Variants in TTC7A observed in about 807,000 individuals in gnomAD.
The protein encoded by TTC7A is tetratricopeptide repeat domain 7A, also known as tetratricopeptide repeat protein 7A.
TTC7A carries 110 observed loss-of-function variants against 103.7 expected under a neutral mutation model. The ratio of observed to expected loss-of-function variants is 1.06; its 90% CI spans 0.91 to 1.24. TTC7A has a LOEUF of 1.24. Among genes scored for constraint, TTC7A ranks in the 50% most tolerant of loss-of-function variants. The pLI is 0.00. For synonymous variants in TTC7A, 521 were observed against 467.9 expected, an observed-to-expected ratio of 1.11 and a Z score of -1.47; for missense variants, 1,340 against 1,116.3, an observed-to-expected ratio of 1.20 and a Z score of -2.86.
In TTC7A at chr2:46,941,239, G is replaced by C. The variant is rs1366574956; in HGVS notation, c.-303G>C. ...GGCGGAGGCTGTGGCAGCAGCTGCA[G>C]CGGCGGCGGCGGCGGCAGCGCCAGG... On this transcript the variant is annotated 5_prime_UTR_variant, in exon 1 of 20. Transcript: ENST00000319190. This position sits in a 1 kb window ranked among gnomAD's most constrained non-coding sequence, Gnocchi z 4.2. The C allele has an allele frequency of 6.7e-6, 1 of 148,842 alleles. No homozygotes were observed. Among genetic ancestry groups the C allele is most frequent in the African/African-American group, 2.5e-5 (1 of 40,730 alleles). 9.2% of individuals were successfully genotyped at this position (148,842 alleles called of 1,614,324 possible). A position where few individuals can be genotyped will look rare whatever the true frequency, so the allele number is the denominator to read the frequency against.
intron 19 of TTC7A, among the ~76,000 whole-genome samples, chr2:47,063,694 T>C (rs776138329): frequency 6.6e-6 from 1 of 152,214 alleles, no homozygotes; most frequent in Non-Finnish European, 1.5e-5. Context: ...ACTGTGACTT[T>C]ATGAGGACGT....
chr2:46,967,867 C>A (rs1473928659), intron 3 of TTC7A, among the ~76,000 whole-genome samples: 1 of 151,976 alleles, frequency 6.6e-6, no homozygotes, highest in African/African-American at 2.4e-5. Context: ...TCCTACCTGG[C>A]CTTTCGGTTT....
intron 15 of TTC7A, 151 bp downstream of exon 15, chr2:47,029,535 G>A (rs2104593285): frequency 1.1e-6 from 1 of 892,190 alleles, no homozygotes; most frequent in East Asian, 2.6e-5. Flanking sequence ...ACAGGGGTGA[G>A]GACAGGTGGG....
chr2:47,064,862 T>C (rs976584696), intron 19 of TTC7A, among the ~76,000 whole-genome samples: 4 of 152,224 alleles, frequency 2.6e-5, no homozygotes, highest in Non-Finnish European at 4.4e-5. Flanking sequence ...ATTTTCCCTC[T>C]ACCTTTCTGA....
rs1685090089 is a variant in TTC7A at position 47,074,801 on chromosome 2, AGAGACCTGAG to A, written c.*882_*891del. The A allele has an allele frequency of 6.6e-6, 1 of 152,316 alleles. No homozygotes were observed. The highest frequency in any genetic ancestry group is 2.4e-5 in the African/African-American group (1 of 41,362). 9.4% of individuals were successfully genotyped at this position (152,316 alleles called of 1,614,324 possible). A position where few individuals can be genotyped will look rare whatever the true frequency, so the allele number is the denominator to read the frequency against. ...GGCCTTTTGGCTTCCCCTGCCTGAG[AGAGACCTGAG>A]GAGGGGACAGAGCCCAGCCCCTCTC... On this transcript the variant is annotated 3_prime_UTR_variant, in exon 20 of 20. Coordinates refer to ENST00000319190, the MANE Select transcript of TTC7A (RefSeq NM_020458.4).
At chr2:46,961,529 A>C (rs1490028660) in intron 3 of TTC7A, among the ~76,000 whole-genome samples, 2 of 151,824 alleles carry the variant, frequency 1.3e-5, no homozygotes, top group African/African-American at 2.4e-5. Context: ...GTGAGCCGAG[A>C]TCGCACCACT....
upstream of TTC7A, among the ~76,000 whole-genome samples, chr2:46,938,370 G>A (rs942908495): frequency 5.7e-4 from 86 of 152,016 alleles, 1 homozygote; most frequent in Non-Finnish European, 2.9e-4. Context: ...AAACTTCTTG[G>A]GTCATACGCC....
Position 46,941,819 on chromosome 2 carries a change from C to A in TTC7A, c.184+94C>A, listed in dbSNP as rs925819901. 2.7e-6 allele frequency: 4 copies of A among 1,476,630 alleles called. No homozygotes were observed. Among genetic ancestry groups the A allele is most frequent in the East Asian group, 2.5e-5 (1 of 40,168 alleles). The allele number at this position is 1,476,630 out of a possible 1,614,324, so 91.5% of individuals were successfully genotyped here. ...CGCCCAGACAGTCCTCGGCCGACAG[C>A]GGGCGCCTGCCAGCCCACCGTGCTA... On this transcript the variant is annotated intron_variant, in intron 1 of 19. Transcript: ENST00000319190. The surrounding 1 kb of genome is among the most constrained non-coding windows in gnomAD (Gnocchi z 4.2).
chr2:46,919,579 A>G (rs901754973), intron 2 of TTC7A, among the ~76,000 whole-genome samples: 1 of 152,222 alleles, frequency 6.6e-6, no homozygotes, highest in Non-Finnish European at 1.5e-5. Flanking sequence ...TGATTACTAT[A>G]CATGAAATTG....
chr2:47,073,713 GAGT>G lies in TTC7A; in HGVS notation c.2368_2370del (p.Ser790del), dbSNP rs774188741. On this transcript the variant is annotated inframe_deletion, in exon 20 of 20. Coordinates refer to ENST00000319190, the MANE Select transcript of TTC7A (RefSeq NM_020458.4). Reference sequence around the variant, plus strand: ...TGCTTCGTCCACAGGGTCTGATGCTGAGTCGGCTGGGCCACAAGAGCTTGGCCC... The same window carrying G: ...TGCTTCGTCCACAGGGTCTGATGCTGCGGCTGGGCCACAAGAGCTTGGCCC... 2.5e-6 allele frequency: 4 copies of G among 1,613,704 alleles called. No homozygotes were observed. The African/African-American group carries it at 5.3e-5, about 22-fold the overall frequency.
At chr2:47,070,438 GC>G (rs1351369407) in intron 19 of TTC7A, among the ~76,000 whole-genome samples, 1 of 152,238 alleles carries the variant, frequency 6.6e-6, no homozygotes, top group Non-Finnish European at 1.5e-5. Flanking sequence ...CCCTGGCTCT[GC>G]ATTTGGGCTA....
chr2:46,990,907 G>T (rs955724834), intron 5 of TTC7A, among the ~76,000 whole-genome samples: 7 of 152,146 alleles, frequency 4.6e-5, no homozygotes, highest in Non-Finnish European at 1.0e-4. Flanking sequence ...CCCCACCCCA[G>T]GGGTTGGTTG....
chr2:46,957,574 A>G (rs1446688140), intron 3 of TTC7A, among the ~76,000 whole-genome samples: 1 of 152,194 alleles, frequency 6.6e-6, no homozygotes, highest in East Asian at 1.9e-4. Flanking sequence ...AGGAGCTCTT[A>G]GCCTTCCAGG....
intron 4 of TTC7A, among the ~76,000 whole-genome samples, chr2:46,976,703 T>G (rs984270323): frequency 1.2e-4 from 18 of 152,216 alleles, no homozygotes; most frequent in Non-Finnish European, 2.9e-5. Context: ...TATTATAGGA[T>G]GTTCAGCAGC....
At chr2:46,946,668 C>T (rs893167863) in intron 1 of TTC7A, among the ~76,000 whole-genome samples, 10 of 152,260 alleles carry the variant, frequency 6.6e-5, no homozygotes, top group African/African-American at 2.4e-4. Flanking sequence ...TCAGTCCTAC[C>T]ACCTCGGCCT....
intron 5 of TTC7A, among the ~76,000 whole-genome samples, chr2:46,992,273 T>C (rs1675712349): frequency 1.3e-5 from 2 of 152,158 alleles, no homozygotes; most frequent in Admixed American, 1.3e-4. Context: ...CGCCTGGCCC[T>C]CAGGTGGCCA....
chr2:47,026,590 T>G (rs895630078), intron 14 of TTC7A, among the ~76,000 whole-genome samples: 1 of 152,182 alleles, frequency 6.6e-6, no homozygotes. Flanking sequence ...GATGGAACGC[T>G]GACATGGAGT....
At position 46,956,943 on chromosome 2, in the gene TTC7A, C is replaced by G. The variant is rs201840479; in HGVS notation, c.453C>G (p.Asp151Glu). The G allele has an allele frequency of 1.7e-5, 28 of 1,614,084 alleles. No homozygotes were observed. In the Admixed American group the frequency reaches 2.0e-4, roughly 12 times the overall value. The change falls in exon 3 of 20, where the codon GAC becomes GAG. Residue 151 changes from aspartate to glutamate, a missense_variant. Transcript: ENST00000319190. ...ISMYARAGIDDMSMENKPLYQ... is the reference protein window; with the variant it reads ...ISMYARAGIDEMSMENKPLYQ... ...TGTACGCACGGGCCGGGATTGATGACATGTCCATGGAGAACAAGCCCCTGT... is the reference window on the plus strand; with the variant it reads ...TGTACGCACGGGCCGGGATTGATGAGATGTCCATGGAGAACAAGCCCCTGT...
chr2:47,039,108 C>A (rs1057459195), intron 15 of TTC7A, among the ~76,000 whole-genome samples: 19 of 152,228 alleles, frequency 1.2e-4, no homozygotes, highest in African/African-American at 4.3e-4. Context: ...GACTGTCCTG[C>A]CTTGCAAATG....
Sources: allele counts gnomAD v4.1 joint callset (sites outside exome capture counted in the v4.1 genomes callset), GRCh38; gene constraint gnomAD v4.1.1; non-coding constraint Gnocchi (gnomAD v3.1); transcripts MANE v1.5; gene names NCBI Gene and HGNC (gene_info 2026-07-23, HGNC 2026-07-21).